Variants in GRID2 observed in about 807,000 individuals in gnomAD.
GRID2 encodes glutamate ionotropic receptor delta type subunit 2.
In GRID2, 33 loss-of-function variants were observed where a neutral mutation model predicts 114.8. The observed-to-expected ratio is 0.29, with a 90% CI of 0.22 to 0.38. The LOEUF (loss-of-function observed/expected upper bound fraction) is 0.38, where lower values mean the gene tolerates loss of function less well. Among genes scored for constraint, GRID2 ranks in the 10% least tolerant of loss-of-function variants. The probability of loss-of-function intolerance (pLI) is 1.00; values close to 1 mark genes in which losing one functional copy is unlikely to be tolerated. For missense variants in GRID2, 1,184 were observed against 1,257.7 expected (o/e 0.94, Z 0.89); for synonymous variants, 505 against 449.9 (o/e 1.12, Z -1.55).
chr4:92,765,838 C>T (rs1738234273), intron 2 of GRID2, among the ~76,000 whole-genome samples: 1 of 152,182 alleles, frequency 6.6e-6, no homozygotes, highest in Admixed American at 6.5e-5. Context: ...AGTGGAAACT[C>T]AAGGCATGTG....
intron 1 of GRID2, among the ~76,000 whole-genome samples, chr4:92,491,254 T>C (rs987783197): frequency 3.3e-5 from 5 of 152,170 alleles, no homozygotes; most frequent in Non-Finnish European, 7.4e-5. Context: ...CACATGCATA[T>C]ATATGCATCT....
intron 1 of GRID2, among the ~76,000 whole-genome samples, chr4:92,501,388 G>A (rs1235314061): frequency 6.6e-6 from 1 of 152,138 alleles, no homozygotes; most frequent in Non-Finnish European, 1.5e-5. Flanking sequence ...TCCATGAAAT[G>A]ATATTGTGAA....
rs554590128 is a variant in GRID2, at chr4:92,471,633, A to G, written c.89-118498A>G. On this transcript the variant is annotated intron_variant, in intron 1 of 15. Transcript: ENST00000282020. The stretch of plus-strand genomic sequence containing the variant: ...TTAAAATATTTATTGTATGACCAGC[A>G]TATACTAACTTAAACAAATTTAAAT... Among the ~76,000 whole-genome samples, 184 of 152,198 alleles carry G rather than the reference A, an allele frequency of 1.2e-3. 1 individual carries two copies. The highest frequency in any genetic ancestry group is 4.4e-3 in the African/African-American group (181 of 41,568).
At chr4:93,491,928 C>T (rs2149461484) in intron 12 of GRID2, among the ~76,000 whole-genome samples, 1 of 151,906 alleles carries the variant, frequency 6.6e-6, no homozygotes. Flanking sequence ...TTATTTTATC[C>T]ATTCATAAAA....
intron 2 of GRID2, among the ~76,000 whole-genome samples, chr4:93,013,349 T>C (rs1035785229): frequency 2.0e-5 from 3 of 152,044 alleles, no homozygotes; most frequent in African/African-American, 7.2e-5. Flanking sequence ...ATTGACACCA[T>C]ATGTTAATAC....
In GRID2 at chr4:92,884,320, C is replaced by A. The variant is rs567605761; in HGVS notation, c.245-200675C>A. Among the ~76,000 whole-genome samples the A allele has an allele frequency of 4.6e-5, 7 of 152,258 alleles. No individual in the cohort carries two copies. The East Asian group carries it at 1.4e-3, about 29-fold the overall frequency. On this transcript the variant is annotated intron_variant, in intron 2 of 15. Coordinates refer to ENST00000282020, the MANE Select transcript of GRID2 (RefSeq NM_001510.4). ...GTTTTGATTTAAGGGAATGTTGTGG[C>A]TCGTTTGATCTTCTATCCAGATCAC...
intron 1 of GRID2, among the ~76,000 whole-genome samples, chr4:92,584,593 A>T (rs1357623349): frequency 6.6e-6 from 1 of 152,072 alleles, no homozygotes. Flanking sequence ...AACTAGTCTT[A>T]CGATCAGCAT....
At chr4:92,907,193 A>T (rs574343055) in intron 2 of GRID2, among the ~76,000 whole-genome samples, 7 of 152,222 alleles carry the variant, frequency 4.6e-5, no homozygotes, top group Admixed American at 3.3e-4. Context: ...TAACTTTTTT[A>T]AAAAAATTAA....
At chr4:92,914,775 A>G (rs1748654647) in intron 2 of GRID2, among the ~76,000 whole-genome samples, 1 of 152,122 alleles carries the variant, frequency 6.6e-6, no homozygotes, top group Non-Finnish European at 1.5e-5. Flanking sequence ...GCTGCATAGT[A>G]TTCTATGGTA....
chr4:93,141,503 T>C (rs1181101082), intron 4 of GRID2, among the ~76,000 whole-genome samples: 1 of 152,164 alleles, frequency 6.6e-6, no homozygotes, highest in African/African-American at 2.4e-5. Context: ...AAAGCAATGA[T>C]GTCTGTATAC....
intron 2 of GRID2, among the ~76,000 whole-genome samples, chr4:92,593,309 T>G (rs754026002): frequency 1.3e-5 from 2 of 152,018 alleles, no homozygotes; most frequent in Non-Finnish European, 2.9e-5. Flanking sequence ...TATTTTATTG[T>G]TAGAATTTCC....
intron 5 of GRID2, among the ~76,000 whole-genome samples, chr4:93,213,297 G>C (rs757627440): frequency 9.2e-5 from 14 of 151,872 alleles, no homozygotes; most frequent in Non-Finnish European, 2.1e-4. Context: ...AAATTTTATG[G>C]AAGCATCAAA....
chr4:93,161,939 A>G (rs1248661356), intron 4 of GRID2, among the ~76,000 whole-genome samples: 1 of 151,886 alleles, frequency 6.6e-6, no homozygotes, highest in Non-Finnish European at 1.5e-5. Flanking sequence ...AATTTTTAAG[A>G]CATTCCAATT....
At chr4:92,730,782 A>G (rs1032716974) in intron 2 of GRID2, among the ~76,000 whole-genome samples, 7 of 151,992 alleles carry the variant, frequency 4.6e-5, no homozygotes, top group African/African-American at 1.7e-4. Flanking sequence ...TGGCTGGTGC[A>G]AGCGAATAAG....
At chr4:93,228,310 G>A (rs1337303518) in intron 7 of GRID2, among the ~76,000 whole-genome samples, 1 of 152,014 alleles carries the variant, frequency 6.6e-6, no homozygotes, top group African/African-American at 2.4e-5. Context: ...ATGAGACAGA[G>A]ACAAAAAGGG....
intron 14 of GRID2, among the ~76,000 whole-genome samples, chr4:93,692,440 C>A (rs1013488668): frequency 6.6e-6 from 1 of 152,010 alleles, no homozygotes; most frequent in African/African-American, 2.4e-5. Flanking sequence ...ATGTAAAACA[C>A]CAAGAATGTA....
chr4:92,512,395 T>A (rs955248175), intron 1 of GRID2, among the ~76,000 whole-genome samples: 1 of 151,866 alleles, frequency 6.6e-6, no homozygotes, highest in Admixed American at 6.6e-5. Flanking sequence ...CTTTTGGATA[T>A]ATACGATTAT....
chr4:93,582,459 T>A (rs1737078101), intron 13 of GRID2, among the ~76,000 whole-genome samples: 1 of 152,180 alleles, frequency 6.6e-6, no homozygotes, highest in Non-Finnish European at 1.5e-5. Context: ...GTAGACATAT[T>A]GGAGTGGGAT....
At chr4:93,419,527 T>C (rs1306480235) in intron 9 of GRID2, among the ~76,000 whole-genome samples, 2 of 152,064 alleles carry the variant, frequency 1.3e-5, no homozygotes, top group Non-Finnish European at 2.9e-5. Flanking sequence ...TTATGAGTAA[T>C]GGTCCAAATC....
Sources: gnomAD v4.1 joint callset for allele counts (sites outside exome capture counted in the v4.1 genomes callset) on GRCh38, gnomAD v4.1.1 for gene constraint, MANE v1.5 for transcripts, NCBI Gene and HGNC (gene_info 2026-07-23, HGNC 2026-07-21) for gene names.